LYRM4: variants seen among roughly 807,000 people sequenced by gnomAD.
LYRM4 encodes LYR motif-containing protein 4.
In LYRM4, 9 loss-of-function variants were observed where a neutral mutation model predicts 11.7. That is an observed-to-expected ratio of 0.77 (90% CI 0.46 to 1.34). The LOEUF (loss-of-function observed/expected upper bound fraction) is 1.34, where lower values mean the gene tolerates loss of function less well. LYRM4 is among the 40% of genes most tolerant of loss of function. The pLI, the probability that LYRM4 is intolerant of heterozygous loss-of-function variation, is 0.00. For missense variants in LYRM4, 133 were observed against 112.5 expected (o/e 1.18, Z -0.82); for synonymous variants, 42 against 40.4 (o/e 1.04, Z -0.15).
chr6:5,036,509 C>T, the LYRM4 span, among the ~76,000 whole-genome samples: 1 of 152,304 alleles, frequency 6.6e-6, no homozygotes, highest in South Asian at 2.1e-4. Context: ...TGTCATAGAG[C>T]CCTGGCCACC....
the LYRM4 span, among the ~76,000 whole-genome samples, chr6:5,063,775 G>A: frequency 4.6e-5 from 7 of 152,184 alleles, no homozygotes; most frequent in Admixed American, 3.3e-4. Context: ...GCCCAGCCTG[G>A]TCCCACCCAG....
intron 1 of LYRM4, among the ~76,000 whole-genome samples, chr6:5,225,566 T>C (rs1762838778): frequency 2.0e-5 from 3 of 152,248 alleles, no homozygotes; most frequent in Admixed American, 6.5e-5. Context: ...AAAATGGTTA[T>C]ATACTATTGT....
intron 2 of LYRM4, among the ~76,000 whole-genome samples, chr6:5,111,740 G>T (rs568601987): frequency 6.6e-6 from 1 of 152,354 alleles, no homozygotes; most frequent in Non-Finnish European, 1.5e-5. Flanking sequence ...CCCTGGAAAG[G>T]CCCTGGGATG....
At chr6:5,059,170 G>C in the LYRM4 span, among the ~76,000 whole-genome samples, 1 of 151,808 alleles carries the variant, frequency 6.6e-6, no homozygotes, top group Non-Finnish European at 1.5e-5. Context: ...GAGAGACCCA[G>C]TCTGTACAGA....
At chr6:5,066,091 A>G in the LYRM4 span, 32 of 439,342 alleles carry the variant, frequency 7.3e-5, no homozygotes, top group Non-Finnish European at 1.3e-4. Context: ...CATTCGAGTA[A>G]GATACAGATT....
At chr6:5,067,820 G>C in the LYRM4 span, among the ~76,000 whole-genome samples, 23 of 152,284 alleles carry the variant, frequency 1.5e-4, no homozygotes, top group African/African-American at 5.1e-4. Context: ...TCCCATGCCA[G>C]TTTGTAGCAA....
At chr6:5,160,537 G>A (rs1353046612) in intron 2 of LYRM4, among the ~76,000 whole-genome samples, 1 of 151,996 alleles carries the variant, frequency 6.6e-6, no homozygotes, top group African/African-American at 2.4e-5. Context: ...GATATTAAAG[G>A]ACTGAGCACC....
the LYRM4 span, among the ~76,000 whole-genome samples, chr6:5,058,439 C>T: frequency 6.6e-6 from 1 of 152,224 alleles, no homozygotes; most frequent in African/African-American, 2.4e-5. Flanking sequence ...AGCCATCGTT[C>T]TCCAAACCAC....
chr6:5,118,380 G>T (rs1419032709), intron 2 of LYRM4, among the ~76,000 whole-genome samples: 1 of 152,118 alleles, frequency 6.6e-6, no homozygotes, highest in Non-Finnish European at 1.5e-5. Flanking sequence ...GCCTCCTAAA[G>T]TGCTAGGATT....
intron 2 of LYRM4, among the ~76,000 whole-genome samples, chr6:5,151,379 G>A (rs990035708): frequency 6.2e-4 from 94 of 152,206 alleles, no homozygotes; most frequent in African/African-American, 2.1e-3. Context: ...CACCGCACCC[G>A]GCCTCCAAAA....
chr6:5,049,247 A>T, the LYRM4 span, among the ~76,000 whole-genome samples: 2 of 152,168 alleles, frequency 1.3e-5, no homozygotes, highest in African/African-American at 4.8e-5. Context: ...CAGAGATAAC[A>T]TAGAGCCCCC....
chr6:5,253,958 C>T (rs965857199), intron 1 of LYRM4, among the ~76,000 whole-genome samples: 3 of 152,104 alleles, frequency 2.0e-5, no homozygotes, highest in Non-Finnish European at 2.9e-5. Flanking sequence ...CTGGTGATGA[C>T]CAGCTCAGTG....
In LYRM4 at chr6:5,260,894, A is replaced by C. The variant is rs1337785747; in HGVS notation, c.-161T>G. On this transcript the variant is annotated 5_prime_UTR_variant, in exon 1 of 3. Transcript: ENST00000330636. ...TAAGCCTAAGCGGGCAGCCCTGCGG[A>C]TCGCGGACGGCGCCAGGCGTCCCGC... 7.2e-7 allele frequency: 1 copy of C among 1,397,302 alleles called. No individual in the cohort carries two copies. The highest frequency in any genetic ancestry group is 9.2e-7 in the Non-Finnish European group (1 of 1,081,566). 86.6% of individuals were successfully genotyped at this position (1,397,302 alleles called of 1,614,324 possible).
chr6:5,192,331 A>G (rs543890153), intron 2 of LYRM4, among the ~76,000 whole-genome samples: 35 of 152,220 alleles, frequency 2.3e-4, no homozygotes, highest in Non-Finnish European at 3.7e-4. Context: ...GCCAGTACAT[A>G]ATGTCCTCGC....
intron 2 of LYRM4, chr6:5,144,313 C>T (rs1400123160): frequency 2.0e-6 from 3 of 1,534,328 alleles, no homozygotes; most frequent in Non-Finnish European, 1.7e-6. Context: ...TCAGTTTGGA[C>T]AAGAAAAAGA....
chr6:5,213,396 T>C (rs1027365950), intron 2 of LYRM4, among the ~76,000 whole-genome samples: 1 of 151,950 alleles, frequency 6.6e-6, no homozygotes, highest in Non-Finnish European at 1.5e-5. Context: ...GAAGAATGAG[T>C]GGAAAGCAGG....
At chr6:5,235,964 T>C (rs1191619405) in intron 1 of LYRM4, among the ~76,000 whole-genome samples, 1 of 151,036 alleles carries the variant, frequency 6.6e-6, no homozygotes, top group Non-Finnish European at 1.5e-5. Context: ...ACATTATGCT[T>C]AATGCCACTT....
the LYRM4 span, among the ~76,000 whole-genome samples, chr6:5,083,276 AT>A: frequency 2.0e-5 from 3 of 152,222 alleles, no homozygotes; most frequent in African/African-American, 7.2e-5. Flanking sequence ...TAGCTTGTGA[AT>A]TTTGTATTTA....
chr6:5,073,465 T>A, the LYRM4 span, among the ~76,000 whole-genome samples: 110,087 of 148,250 alleles, frequency 0.74, 41,040 homozygotes, highest in East Asian at 0.91. Flanking sequence ...GTATATATAT[T>A]TTTTTTCCTA....
Sources: gnomAD v4.1 joint callset for allele counts (sites outside exome capture counted in the v4.1 genomes callset) on GRCh38, gnomAD v4.1.1 for gene constraint, MANE v1.5 for transcripts, NCBI Gene and HGNC (gene_info 2026-07-23, HGNC 2026-07-21) for gene names.